The following HS6ST3 variants were observed in gnomAD, a reference collection of about 807,000 sequenced individuals.
The protein encoded by HS6ST3 is heparan sulfate 6-O-sulfotransferase 3.
HS6ST3 carries 12 observed loss-of-function variants against 36.7 expected under a neutral mutation model. The observed-to-expected ratio is 0.33, with a 90% CI of 0.21 to 0.53. HS6ST3 has a LOEUF of 0.53. HS6ST3 is among the 20% of genes least tolerant of loss of function. HS6ST3 has a pLI of 0.95. For missense variants in HS6ST3, 584 were observed against 640.9 expected, an observed-to-expected ratio of 0.91 and a Z score of 0.96; for synonymous variants, 240 against 257.5, an observed-to-expected ratio of 0.93 and a Z score of 0.65.
intron 1 of HS6ST3, among the ~76,000 whole-genome samples, chr13:96,525,869 C>A (rs1241134642): frequency 6.6e-6 from 1 of 152,194 alleles, no homozygotes; most frequent in East Asian, 1.9e-4. Flanking sequence ...AGACACTGTT[C>A]CTGACCTCAA....
chr13:96,537,573 T>C (rs922598266), intron 1 of HS6ST3, among the ~76,000 whole-genome samples: 1 of 152,206 alleles, frequency 6.6e-6, no homozygotes, highest in African/African-American at 2.4e-5. Flanking sequence ...TTTCTTTCCC[T>C]AAAACTTCTA....
At chr13:96,655,956 T>G (rs1472252915) in intron 1 of HS6ST3, among the ~76,000 whole-genome samples, 4 of 152,166 alleles carry the variant, frequency 2.6e-5, no homozygotes, top group African/African-American at 9.7e-5. Context: ...TCACTCATTT[T>G]CATTGTTATT....
intron 1 of HS6ST3, among the ~76,000 whole-genome samples, chr13:96,569,407 TAGCAG>T (rs2056293092): frequency 1.3e-5 from 2 of 152,176 alleles, no homozygotes; most frequent in Non-Finnish European, 2.9e-5. Flanking sequence ...ACGCCAAGGA[TAGCAG>T]AGCAGAGAGA....
At chr13:96,166,021 G>GTTATTTAT (rs143510611) in intron 1 of HS6ST3, among the ~76,000 whole-genome samples, 191 of 144,776 alleles carry the variant, frequency 1.3e-3, no homozygotes, top group African/African-American at 1.8e-3. Flanking sequence ...GGTGGAAGGG[G>GTTATTTAT]TTATTTATTT....
intron 1 of HS6ST3, among the ~76,000 whole-genome samples, chr13:96,610,727 T>G (rs1249963271): frequency 6.6e-6 from 1 of 152,178 alleles, no homozygotes; most frequent in Non-Finnish European, 1.5e-5. Context: ...ATACAATTGA[T>G]GTTTTACTTC....
At chr13:96,566,796 T>A (rs1178896587) in intron 1 of HS6ST3, among the ~76,000 whole-genome samples, 3 of 152,102 alleles carry the variant, frequency 2.0e-5, no homozygotes, top group Non-Finnish European at 4.4e-5. Context: ...TGTGACTGAG[T>A]TAAGGGTTCA....
At chr13:96,201,890 T>C (rs2054343855) in intron 1 of HS6ST3, among the ~76,000 whole-genome samples, 5 of 152,208 alleles carry the variant, frequency 3.3e-5, no homozygotes, top group Non-Finnish European at 7.3e-5. Flanking sequence ...TGTGTGTGTA[T>C]ATATGAAATG....
intron 1 of HS6ST3, among the ~76,000 whole-genome samples, chr13:96,500,059 G>A (rs180765476): frequency 1.8e-4 from 27 of 152,218 alleles, no homozygotes; most frequent in Admixed American, 7.2e-4. Flanking sequence ...CAAAGGAGCC[G>A]TATACTTGTT....
intron 1 of HS6ST3, among the ~76,000 whole-genome samples, chr13:96,390,966 G>C (rs2055392419): frequency 6.6e-6 from 1 of 152,108 alleles, no homozygotes; most frequent in Non-Finnish European, 1.5e-5. Flanking sequence ...TAGTTCCATT[G>C]CAGCCACATA....
intron 1 of HS6ST3, among the ~76,000 whole-genome samples, chr13:96,701,253 G>A (rs561247462): frequency 6.6e-6 from 1 of 152,248 alleles, no homozygotes; most frequent in African/African-American, 2.4e-5. Context: ...CTTTCACTTT[G>A]TTTTCACTTC....
At chr13:96,766,520 G>A (rs1030081379) in intron 1 of HS6ST3, among the ~76,000 whole-genome samples, 1 of 152,104 alleles carries the variant, frequency 6.6e-6, no homozygotes, top group Non-Finnish European at 1.5e-5. Flanking sequence ...ATAACATTTG[G>A]AGATGACTGA....
intron 1 of HS6ST3, among the ~76,000 whole-genome samples, chr13:96,803,458 G>A (rs971776113): frequency 6.6e-6 from 1 of 152,066 alleles, no homozygotes; most frequent in African/African-American, 2.4e-5. Context: ...TACCAGGAAG[G>A]GACTAGGGTA....
At chr13:96,739,483 A>T (rs1300689135) in intron 1 of HS6ST3, among the ~76,000 whole-genome samples, 1 of 151,908 alleles carries the variant, frequency 6.6e-6, no homozygotes, top group East Asian at 1.9e-4. Flanking sequence ...CCCCCAAAAT[A>T]TCTACTCCAG....
At chr13:96,412,569 T>C (rs543839286) in intron 1 of HS6ST3, among the ~76,000 whole-genome samples, 1 of 152,156 alleles carries the variant, frequency 6.6e-6, no homozygotes, top group African/African-American at 2.4e-5. Flanking sequence ...TCAGGCACAA[T>C]GGACAGAGAG....
At chr13:96,597,000 C>T (rs2056404085) in intron 1 of HS6ST3, among the ~76,000 whole-genome samples, 1 of 152,024 alleles carries the variant, frequency 6.6e-6, no homozygotes, top group South Asian at 2.1e-4. Context: ...TACTATGCAG[C>T]CATAAAAAAC....
At chr13:96,736,805 C>T (rs928007663) in intron 1 of HS6ST3, among the ~76,000 whole-genome samples, 2 of 152,022 alleles carry the variant, frequency 1.3e-5, no homozygotes, top group African/African-American at 4.8e-5. Flanking sequence ...TATTTGGAAA[C>T]AGTGAAAAGC....
At chr13:96,120,662 A>T (rs531624586) in intron 1 of HS6ST3, among the ~76,000 whole-genome samples, 1 of 152,252 alleles carries the variant, frequency 6.6e-6, no homozygotes, top group Non-Finnish European at 1.5e-5. Context: ...TTGAAGAACA[A>T]TGTATTTTAC....
chr13:96,779,811 T>C (rs766246175), intron 1 of HS6ST3, among the ~76,000 whole-genome samples: 1 of 151,702 alleles, frequency 6.6e-6, no homozygotes, highest in Non-Finnish European at 1.5e-5. Context: ...ATAATGCTTA[T>C]ATTTGGAGGC....
intron 1 of HS6ST3, among the ~76,000 whole-genome samples, chr13:96,211,675 A>T (rs1006746855): frequency 1.2e-4 from 18 of 152,338 alleles, no homozygotes; most frequent in African/African-American, 4.1e-4. Flanking sequence ...GGACAAAAAA[A>T]GACAATAAAG....
Sources: allele counts gnomAD v4.1 joint callset (sites outside exome capture counted in the v4.1 genomes callset), GRCh38; gene constraint gnomAD v4.1.1; transcripts MANE v1.5; gene names NCBI Gene and HGNC (gene_info 2026-07-23, HGNC 2026-07-21).